The following IL17RD variants were observed in gnomAD, a reference collection of about 807,000 sequenced individuals.
IL17RD encodes interleukin-17 receptor D.
A neutral mutation model predicts 80.5 loss-of-function variants in IL17RD; 52 were observed. That is an observed-to-expected ratio of 0.65 (90% confidence interval 0.52 to 0.81). IL17RD has a LOEUF of 0.81. Among genes scored for constraint, IL17RD ranks in the 40% least tolerant of loss-of-function variants. The pLI is 0.00. For synonymous variants in IL17RD, 416 were observed against 391.8 expected (o/e 1.06, Z -0.73); for missense variants, 1,024 against 955.1 (o/e 1.07, Z -0.95).
At chr3:57,153,268 G>GA (rs989584043) in intron 1 of IL17RD, among the ~76,000 whole-genome samples, 3 of 152,166 alleles carry the variant, frequency 2.0e-5, no homozygotes, top group South Asian at 2.1e-4. Flanking sequence ...ATTTCACACA[G>GA]AAAAAACAAA....
chr3:57,160,822 A>G (rs1462925478), intron 1 of IL17RD, among the ~76,000 whole-genome samples: 2 of 152,194 alleles, frequency 1.3e-5, no homozygotes, highest in African/African-American at 2.4e-5. Flanking sequence ...TTAAAATGCC[A>G]ATTCCTGGGC....
At position 57,165,162 on chromosome 3, in the gene IL17RD, C is replaced by T; in HGVS notation, c.125G>A (p.Arg42Lys). ...AGAAACCCGCCGCCCTCGCCTTACC[C>T]TCCAGCCACAGGTGTCGGCGCCCCG... is the stretch of plus-strand genomic sequence containing the variant. ...RARGADTCGW[R>K]GVGPASRNSG... The change falls in exon 1 of 13, where the codon AGG (arginine) becomes AAG (lysine). Residue 42 changes from arginine to lysine, a missense_variant and splice_region_variant. Transcript: ENST00000296318. The T allele has an allele frequency of 6.6e-7, 1 of 1,524,594 alleles. No homozygotes were observed. The highest frequency in any genetic ancestry group is 8.8e-7 in the Non-Finnish European group (1 of 1,137,752). 94.4% of individuals were successfully genotyped at this position (1,524,594 alleles called of 1,614,324 possible).
intron 12 of IL17RD, 176 bp downstream of exon 12, chr3:57,097,420 A>G: frequency 1.6e-6 from 1 of 618,716 alleles, no homozygotes; most frequent in Non-Finnish European, 2.9e-6. Context: ...TCTGCAACTC[A>G]AACATGTGAG....
intron 1 of IL17RD, among the ~76,000 whole-genome samples, chr3:57,141,015 T>C (rs1280872332): frequency 1.3e-5 from 2 of 151,996 alleles, no homozygotes; most frequent in African/African-American, 4.8e-5. Context: ...GCCTCAGCCT[T>C]CTAAGTAGCT....
chr3:57,165,426 G>A (rs1463931003), upstream of IL17RD: 2 of 601,314 alleles, frequency 3.3e-6, no homozygotes, highest in African/African-American at 4.5e-5. Flanking sequence ...CCCGGGCCCC[G>A]CCCCCACCCT....
At chr3:57,163,198 G>A (rs1017803339) in intron 1 of IL17RD, among the ~76,000 whole-genome samples, 4 of 152,220 alleles carry the variant, frequency 2.6e-5, no homozygotes, top group Non-Finnish European at 5.9e-5. Flanking sequence ...ACATGGCCCA[G>A]AGGCCTCTAC....
intron 1 of IL17RD, among the ~76,000 whole-genome samples, chr3:57,127,761 A>G (rs1227282296): frequency 5.3e-5 from 8 of 152,162 alleles, no homozygotes; most frequent in Non-Finnish European, 1.0e-4. Flanking sequence ...ACTGTGTAAC[A>G]GCAGACAGTG....
chr3:57,102,054 A>C (rs576311104), intron 10 of IL17RD, among the ~76,000 whole-genome samples: 4 of 152,122 alleles, frequency 2.6e-5, no homozygotes, highest in Admixed American at 6.5e-5. Context: ...TGAGCTTAGG[A>C]GTTCAAGACC....
At chr3:57,117,580 G>C (rs997544941) in intron 2 of IL17RD, among the ~76,000 whole-genome samples, 6 of 152,156 alleles carry the variant, frequency 3.9e-5, no homozygotes, top group African/African-American at 1.2e-4. Flanking sequence ...AACATTAAAT[G>C]ACAAAGGAAT....
intron 1 of IL17RD, among the ~76,000 whole-genome samples, chr3:57,141,009 C>CA (rs1204157368): frequency 6.6e-6 from 1 of 152,002 alleles, no homozygotes; most frequent in Non-Finnish European, 1.5e-5. Flanking sequence ...TCCTCTGCCT[C>CA]AGCCTTCTAA....
intron 1 of IL17RD, among the ~76,000 whole-genome samples, chr3:57,158,179 G>A (rs1038284596): frequency 1.1e-4 from 16 of 152,042 alleles, no homozygotes; most frequent in African/African-American, 3.6e-4. Context: ...TTTCTGGTAC[G>A]TTCAAGCATG....
intron 1 of IL17RD, among the ~76,000 whole-genome samples, chr3:57,121,614 C>T (rs1001410894): frequency 1.3e-5 from 2 of 152,210 alleles, no homozygotes; most frequent in Non-Finnish European, 2.9e-5. Flanking sequence ...CTTCTAGCCT[C>T]TCTTCCCCAC....
intron 1 of IL17RD, among the ~76,000 whole-genome samples, chr3:57,122,656 T>A (rs1161313100): frequency 6.6e-6 from 1 of 151,760 alleles, no homozygotes; most frequent in Non-Finnish European, 1.5e-5. Context: ...CATGGAAAAA[T>A]TGTCTTCCAC....
chr3:57,155,612 A>G (rs943042409), intron 1 of IL17RD, among the ~76,000 whole-genome samples: 2 of 151,980 alleles, frequency 1.3e-5, no homozygotes, highest in East Asian at 3.9e-4. Flanking sequence ...TTTTTTTGAG[A>G]CGGAGTCTCG....
chr3:57,105,552 A>AAAAAAAATATATATATAT, intron 7 of IL17RD, among the ~76,000 whole-genome samples: 7 of 63,584 alleles, frequency 1.1e-4, no homozygotes, highest in Admixed American at 3.9e-4. Context: ...AAAAAAAAAA[A>AAAAAAAATATATATATAT]ATATATATAT....
intron 5 of IL17RD, among the ~76,000 whole-genome samples, chr3:57,109,248 A>G (rs1707036459): frequency 6.6e-6 from 1 of 152,174 alleles, no homozygotes; most frequent in Non-Finnish European, 1.5e-5. Flanking sequence ...TCCCAGGTTC[A>G]AGCAATTCTC....
At chr3:57,164,816 G>T in intron 1 of IL17RD, 1 of 882,998 alleles carries the variant, frequency 1.1e-6, no homozygotes, top group Non-Finnish European at 1.4e-6. Flanking sequence ...GGGACACGCA[G>T]CCCTGGGACG....
At chr3:57,142,631 A>AG (rs1707852567) in intron 1 of IL17RD, 1 of 454,526 alleles carries the variant, frequency 2.2e-6, no homozygotes, top group East Asian at 9.3e-5. Flanking sequence ...TAACTTCCAG[A>AG]ACGTCCTCAT....
chr3:57,114,849 T>C, intron 2 of IL17RD, 32 bp from the exon 3 acceptor site: 2 of 1,498,226 alleles, frequency 1.3e-6, no homozygotes, highest in South Asian at 2.7e-5. Context: ...AACAGTTAAA[T>C]TTAAAATTTC....
Sources: gnomAD v4.1 joint callset for allele counts (sites outside exome capture counted in the v4.1 genomes callset) on GRCh38, gnomAD v4.1.1 for gene constraint, MANE v1.5 for transcripts, NCBI Gene and HGNC (gene_info 2026-07-23, HGNC 2026-07-21) for gene names.